The following PARVB variants were observed in gnomAD, a reference collection of about 807,000 sequenced individuals.
The protein encoded by PARVB is parvin beta, also known as beta-parvin.
Under a neutral mutation model 47.0 loss-of-function variants are expected in PARVB, and 46 were observed. That is an observed-to-expected ratio of 0.98 (90% confidence interval 0.77 to 1.25). The LOEUF (loss-of-function observed/expected upper bound fraction) is 1.25. PARVB is among the 50% of genes most tolerant of loss of function. The pLI is 0.00. For synonymous variants in PARVB, 196 were observed against 196.3 expected, an observed-to-expected ratio of 1.00 and a Z score of 0.01; for missense variants, 473 against 471.6, an observed-to-expected ratio of 1.00 and a Z score of -0.03.
intron 5 of PARVB, 102 bp from the exon 6 acceptor site, chr22:44,132,792 G>A: frequency 1.4e-6 from 1 of 709,750 alleles, no homozygotes; most frequent in South Asian, 1.7e-5. Flanking sequence ...TTGTCTCGCT[G>A]GGGTCTCATT....
intron 7 of PARVB, among the ~76,000 whole-genome samples, chr22:44,136,888 C>T (rs908658120): frequency 5.9e-5 from 9 of 152,248 alleles, no homozygotes; most frequent in African/African-American, 1.9e-4. Context: ...GTGGGAGCTA[C>T]ATCTTTAAAC....
intron 3 of PARVB, among the ~76,000 whole-genome samples, chr22:44,101,752 G>GA (rs58386939): frequency 0.16 from 20,395 of 124,378 alleles, 4,127 homozygotes; most frequent in African/African-American, 0.48. Flanking sequence ...CCATCTCACA[G>GA]AAAAAAAAAA....
intron 1 of PARVB, among the ~76,000 whole-genome samples, chr22:44,088,202 A>G (rs537608982): frequency 1.3e-5 from 2 of 152,270 alleles, no homozygotes; most frequent in East Asian, 1.9e-4. Flanking sequence ...AAGGCCTACT[A>G]TGTGCAGGAA....
Position 44,103,898 on chromosome 22 carries a change from G to A in PARVB, c.273+3775G>A, listed in dbSNP as rs747805303. ...ACCCTGGAGCCTCCAGAAGGAACCAGCCCTGCTGACACCTGGATTTTAGCC... is the reference window on the plus strand; with the variant it reads ...ACCCTGGAGCCTCCAGAAGGAACCAACCCTGCTGACACCTGGATTTTAGCC... On this transcript the variant is annotated intron_variant, in intron 3 of 12. Transcript: ENST00000338758. This position sits in a 1 kb window ranked among gnomAD's most constrained non-coding sequence, Gnocchi z 4.6. 1.3e-5 allele frequency: 2 copies of A among 152,312 alleles called. No homozygotes were observed. The highest frequency in any genetic ancestry group is 2.4e-5 in the African/African-American group (1 of 41,470). The allele number at this position is 152,312 out of a possible 1,614,324, so 9.4% of individuals were successfully genotyped here. A position where few individuals can be genotyped will look rare whatever the true frequency, so the allele number is the denominator to read the frequency against.
intron 12 of PARVB, among the ~76,000 whole-genome samples, chr22:44,166,797 G>A (rs1214961425): frequency 6.6e-6 from 1 of 152,266 alleles, no homozygotes; most frequent in Admixed American, 6.5e-5. Flanking sequence ...TGTGGCTGAT[G>A]CAATGAATGA....
In PARVB at chr22:44,049,759, A is replaced by G. The variant is rs2051174498; in HGVS notation, c.112+25308A>G. ...AAATTCAAATTGGTGCTTTCTTCCT[A>G]TTAAAGCAGGAGACCTCTGCCCGGG... On this transcript the variant is annotated intron_variant, in intron 1 of 12. Coordinates refer to ENST00000338758, the MANE Select transcript of PARVB (RefSeq NM_013327.5). This position sits in a 1 kb window ranked among gnomAD's most constrained non-coding sequence, Gnocchi z 4.0. Among the ~76,000 whole-genome samples, 1 of 152,230 alleles carries G rather than the reference A, an allele frequency of 6.6e-6. No individual in the cohort carries two copies. The highest frequency in any genetic ancestry group is 2.1e-4 in the South Asian group (1 of 4,836).
At chr22:44,154,095 C>G (rs189227561) in intron 10 of PARVB, among the ~76,000 whole-genome samples, 31 of 152,342 alleles carry the variant, frequency 2.0e-4, no homozygotes, top group Non-Finnish European at 4.0e-4. Context: ...TACCAGCTGT[C>G]CCCACAGCCC....
At chr22:44,038,841 A>G (rs1229386501) in intron 1 of PARVB, among the ~76,000 whole-genome samples, 1 of 152,212 alleles carries the variant, frequency 6.6e-6, no homozygotes. Flanking sequence ...AGTGGGAGAA[A>G]ATGTTTGCAA....
At chr22:44,158,494 A>G (rs2053984089) in intron 11 of PARVB, among the ~76,000 whole-genome samples, 2 of 152,112 alleles carry the variant, frequency 1.3e-5, no homozygotes, top group Admixed American at 1.3e-4. Context: ...GCGTCTTTCC[A>G]TTCCCCATTC....
chr22:44,008,542 T>C (rs1431296640), intron 2 of PARVB, among the ~76,000 whole-genome samples: 2 of 152,232 alleles, frequency 1.3e-5, no homozygotes, highest in African/African-American at 4.8e-5. Flanking sequence ...CATTTAGTTA[T>C]AGAAAAGTAT....
chr22:44,053,896 G>A (rs1198325013), intron 1 of PARVB, among the ~76,000 whole-genome samples: 1 of 152,012 alleles, frequency 6.6e-6, no homozygotes, highest in East Asian at 1.9e-4. Flanking sequence ...CCCTCTCTGG[G>A]CGTGCCACTT....
rs1463984476 is a variant in PARVB, at chr22:44,155,943, G to C, written c.844-2039G>C. ...CGAGGTGGGTGGATCATGAGGTCAG[G>C]AGTTCAAGACCAGCCTGACCAACAT... is the stretch of plus-strand genomic sequence containing the variant. On this transcript the variant is annotated intron_variant, in intron 10 of 12. Coordinates refer to ENST00000338758, the MANE Select transcript of PARVB (RefSeq NM_013327.5). This position sits in a 1 kb window ranked among gnomAD's most constrained non-coding sequence, Gnocchi z 4.8. 6.6e-6 allele frequency among the ~76,000 whole-genome samples: 1 copy of C among 152,120 alleles called. No individual in the cohort carries two copies. The highest frequency in any genetic ancestry group is 1.5e-5 in the Non-Finnish European group (1 of 68,036).
intron 3 of PARVB, chr22:44,109,378 C>T (rs750863410): frequency 1.3e-5 from 2 of 152,154 alleles, no homozygotes; most frequent in African/African-American, 4.8e-5. Flanking sequence ...GCTCATAAGA[C>T]GTGTGTGATG....
chr22:44,131,641 C>T lies in PARVB; in HGVS notation c.517+14C>T. 1.2e-6 allele frequency: 2 copies of T among 1,603,330 alleles called. No homozygotes were observed. Among genetic ancestry groups the T allele is most frequent in the South Asian group, 2.2e-5 (2 of 89,734 alleles). ...GGAGCGTGGACTGTGAGTTCCACGC[C>T]ACAGGGGGAGGGACTGTCTGGAGGG... On this transcript the variant is annotated intron_variant, in intron 5 of 12. Transcript: ENST00000338758.
chr22:44,154,196 A>G (rs2053868959), intron 10 of PARVB, among the ~76,000 whole-genome samples: 1 of 150,878 alleles, frequency 6.6e-6, no homozygotes. Context: ...TATTTACTCA[A>G]TATCTTCATT....
Position 44,163,922 on chromosome 22 carries a change from G to A in PARVB, c.1010G>A (p.Arg337His), listed in dbSNP as rs753352609. 46 of 1,608,860 alleles carry A rather than the reference G, an allele frequency of 2.9e-5. No individual in the cohort carries two copies. The Middle Eastern group carries it at 4.9e-4, about 17-fold the overall frequency. ...LDGGLKKPKA[R>H]PEDVVNLDLK... ...GGAGGCCTCAAGAAACCCAAGGCTCGTCCTGAAGGTAATGCCCCTGGCTCA... is the reference window on the plus strand; with the variant it reads ...GGAGGCCTCAAGAAACCCAAGGCTCATCCTGAAGGTAATGCCCCTGGCTCA... The change falls in exon 12 of 13, where the codon CGT (arginine) becomes CAT (histidine). Residue 337 changes from arginine to histidine, a missense_variant. Physicochemically the swap from Arg to His is conservative, Grantham distance 29. Coordinates refer to ENST00000338758, the MANE Select transcript of PARVB (RefSeq NM_013327.5).
rs547857305 is a variant in PARVB at position 44,042,527 on chromosome 22, G to A, written c.112+18076G>A. Among the ~76,000 whole-genome samples, 4 of 152,344 alleles carry A rather than the reference G, an allele frequency of 2.6e-5. No individual in the cohort carries two copies. The South Asian group carries it at 8.3e-4, about 32-fold the overall frequency. On this transcript the variant is annotated intron_variant, in intron 1 of 12. Coordinates refer to ENST00000338758, the MANE Select transcript of PARVB (RefSeq NM_013327.5). ...TTGCAGAGATGGGACGAGAAGACAC[G>A]CCACCCTGGGAACTGGCCCGTGTCT...
At chr22:44,070,688 A>G (rs1038397309) in intron 1 of PARVB, among the ~76,000 whole-genome samples, 1 of 152,214 alleles carries the variant, frequency 6.6e-6, no homozygotes, top group Non-Finnish European at 1.5e-5. Context: ...CTTCAGGGAC[A>G]ATAGACCTTG....
intron 4 of PARVB, among the ~76,000 whole-genome samples, chr22:44,127,115 T>C (rs767122990): frequency 1.3e-5 from 2 of 152,242 alleles, no homozygotes; most frequent in Admixed American, 1.3e-4. Flanking sequence ...AAGTATAACA[T>C]GAGGCTTCCT....
Sources: allele counts gnomAD v4.1 joint callset (sites outside exome capture counted in the v4.1 genomes callset), GRCh38; gene constraint gnomAD v4.1.1; non-coding constraint Gnocchi (gnomAD v3.1); transcripts MANE v1.5; gene names NCBI Gene and HGNC (gene_info 2026-07-23, HGNC 2026-07-21).